The following PIWIL3 variants were observed in gnomAD, a reference collection of about 807,000 sequenced individuals.
PIWIL3 encodes piwi like RNA-mediated gene silencing 3, also known as piwi-like protein 3.
A neutral mutation model predicts 109.7 loss-of-function variants in PIWIL3; 101 were observed. The ratio of observed to expected loss-of-function variants is 0.92; its 90% CI spans 0.78 to 1.09. The LOEUF (loss-of-function observed/expected upper bound fraction) is 1.09. Ranked by LOEUF, PIWIL3 falls within the 50% of genes least tolerant of loss-of-function variation. The pLI, the probability that PIWIL3 is intolerant of heterozygous loss-of-function variation, is 0.00. For missense variants in PIWIL3, 1,031 were observed against 1,072.6 expected, an observed-to-expected ratio of 0.96 and a Z score of 0.54; for synonymous variants, 373 against 376.4, an observed-to-expected ratio of 0.99 and a Z score of 0.10.
intron 2 of PIWIL3, among the ~76,000 whole-genome samples, 171 bp from the exon 3 acceptor site, chr22:24,760,160 G>A (rs1449945094): frequency 6.6e-6 from 1 of 152,098 alleles, no homozygotes; most frequent in African/African-American, 2.4e-5. Context: ...TGTGGTAATT[G>A]CTAAGGAAAA....
intron 1 of PIWIL3, among the ~76,000 whole-genome samples, chr22:24,766,896 G>A (rs1196154262): frequency 6.6e-6 from 1 of 151,796 alleles, no homozygotes; most frequent in Non-Finnish European, 1.5e-5. Flanking sequence ...TTGGGAGGCT[G>A]AGGCAGGAGG....
chr22:24,756,374 G>T, intron 5 of PIWIL3, 117 bp downstream of exon 5: 3 of 966,288 alleles, frequency 3.1e-6, no homozygotes, highest in Non-Finnish European at 4.6e-6. Context: ...AGTCATATGG[G>T]CAAGAGAGCC....
chr22:24,719,948 G>A (rs1922564550), intron 19 of PIWIL3, 53 bp from the exon 20 acceptor site: 2 of 1,419,172 alleles, frequency 1.4e-6, no homozygotes, highest in Non-Finnish European at 1.9e-6. Context: ...AGGGTATATA[G>A]TAAACTTAAT....
chr22:24,758,087 T>C, intron 3 of PIWIL3, 48 bp from the exon 4 acceptor site: 1 of 1,570,720 alleles, frequency 6.4e-7, no homozygotes, highest in Non-Finnish European at 8.6e-7. Context: ...AAGGGAAGAA[T>C]AGAAAAGACA....
intron 5 of PIWIL3, 134 bp downstream of exon 5, chr22:24,756,357 C>T (rs1410145407): frequency 1.7e-5 from 14 of 804,966 alleles, no homozygotes; most frequent in Admixed American, 2.8e-5. Flanking sequence ...ACATAGGTTT[C>T]ACAACAAGTC....
intron 1 of PIWIL3, among the ~76,000 whole-genome samples, chr22:24,769,148 C>G (rs181340274): frequency 4.4e-4 from 67 of 152,320 alleles, no homozygotes; most frequent in Admixed American, 4.4e-3. Context: ...TGTATACATC[C>G]TATGCACATC....
rs1219420520 is a variant in PIWIL3 at position 24,754,061 on chromosome 22, G to A, written c.930C>T (p.Ile310=). ...TTAATTTATTAGTTACTTCCTCTCG[G>A]ATGTTTCCTGTCTGGGCCTGGGCAG... is the stretch of plus-strand genomic sequence containing the variant. ...RTSAQAQTGN[I]REEVTNKLIG... The change falls in exon 8 of 21, where the codon ATC becomes ATT. Residue 310 remains isoleucine, a synonymous_variant. Transcript: ENST00000616349. 6.2e-7 allele frequency: 1 copy of A among 1,612,306 alleles called. No individual in the cohort carries two copies. The highest frequency in any genetic ancestry group is 1.3e-5 in the African/African-American group (1 of 74,870).
chr22:24,721,955 A>G (rs2147643090), intron 19 of PIWIL3, among the ~76,000 whole-genome samples: 1 of 152,370 alleles, frequency 6.6e-6, no homozygotes, highest in South Asian at 2.1e-4. Flanking sequence ...TGACTATACG[A>G]AACTATTTTG....
chr22:24,766,962 T>A (rs1253327567), intron 1 of PIWIL3, among the ~76,000 whole-genome samples: 8 of 143,330 alleles, frequency 5.6e-5, no homozygotes, highest in South Asian at 2.3e-4. Flanking sequence ...ACACCGTCTC[T>A]AAAAAAAAAA....
intron 1 of PIWIL3, among the ~76,000 whole-genome samples, chr22:24,772,086 T>A (rs7285058): frequency 0.44 from 66,450 of 152,096 alleles, 14,779 homozygotes; most frequent in East Asian, 0.59. Context: ...GATAACACAG[T>A]GTATATCATA....
At chr22:24,764,066 CG>C (rs1399977063) in intron 1 of PIWIL3, among the ~76,000 whole-genome samples, 1 of 152,176 alleles carries the variant, frequency 6.6e-6, no homozygotes, top group African/African-American at 2.4e-5. Flanking sequence ...CAAAATGGCC[CG>C]GGGAAATACA....
intron 12 of PIWIL3, among the ~76,000 whole-genome samples, chr22:24,739,925 C>G (rs1485073081): frequency 1.3e-5 from 2 of 151,782 alleles, no homozygotes; most frequent in African/African-American, 4.8e-5. Flanking sequence ...GTGACAGGCA[C>G]CTGTAGTCCC....
intron 1 of PIWIL3, among the ~76,000 whole-genome samples, chr22:24,763,663 G>A (rs1308957521): frequency 2.0e-5 from 3 of 152,106 alleles, no homozygotes; most frequent in Non-Finnish European, 4.4e-5. Context: ...CAAGACACTA[G>A]GGGTTACTAC....
At chr22:24,741,442 T>G (rs1924004369) in intron 12 of PIWIL3, among the ~76,000 whole-genome samples, 1 of 152,148 alleles carries the variant, frequency 6.6e-6, no homozygotes, top group African/African-American at 2.4e-5. Context: ...AGGCAGAGGT[T>G]GTAGTGAACC....
In PIWIL3 at chr22:24,748,899, T is replaced by C. The variant is rs377333935; in HGVS notation, c.1449+8A>G. On this transcript the variant is annotated splice_region_variant and intron_variant, in intron 12 of 20. Coordinates refer to ENST00000616349, the MANE Select transcript of PIWIL3 (RefSeq NM_001255975.1). The stretch of plus-strand genomic sequence containing the variant: ...CACCATGACATGATGATTTTGAAAC[T>C]GTCTTACCATTCTTCTGCCTTGCAC... The C allele has an allele frequency of 8.8e-6, 14 of 1,592,604 alleles. No individual in the cohort carries two copies. The African/African-American group carries it at 9.5e-5, about 11-fold the overall frequency.
chr22:24,740,841 A>T (rs1923962923), intron 12 of PIWIL3, among the ~76,000 whole-genome samples: 1 of 152,208 alleles, frequency 6.6e-6, no homozygotes, highest in Non-Finnish European at 1.5e-5. Context: ...CTCAAAGAAG[A>T]ATTGGTGCCA....
intron 14 of PIWIL3, among the ~76,000 whole-genome samples, chr22:24,731,519 C>T (rs897849435): frequency 1.3e-5 from 2 of 151,924 alleles, no homozygotes; most frequent in Admixed American, 6.6e-5. Flanking sequence ...GGCATGGTGG[C>T]GGACGCCTGT....
chr22:24,735,896 GA>G lies in PIWIL3; in HGVS notation c.1450-5del. 6.3e-7 allele frequency: 1 copy of G among 1,588,488 alleles called. No individual in the cohort carries two copies. The highest frequency in any genetic ancestry group is 1.8e-5 in the Admixed American group (1 of 54,382). On this transcript the variant is annotated splice_region_variant and splice_polypyrimidine_tract_variant and intron_variant, in intron 12 of 20. Transcript: ENST00000616349. ...CTCCTTGTGAATTGGCTTTAACCTG[GA>G]AAAGAATTATAAGACATGGCATAAA... is the stretch of plus-strand genomic sequence containing the variant.
chr22:24,754,299 A>T (rs184644420), intron 7 of PIWIL3, 82 bp from the exon 8 acceptor site: 5 of 1,205,756 alleles, frequency 4.1e-6, no homozygotes, highest in Non-Finnish European at 5.9e-6. Flanking sequence ...TGGGTCTAAA[A>T]ATTGGTACTT....
Sources: allele counts gnomAD v4.1 joint callset (sites outside exome capture counted in the v4.1 genomes callset), GRCh38; gene constraint gnomAD v4.1.1; transcripts MANE v1.5; gene names NCBI Gene and HGNC (gene_info 2026-07-23, HGNC 2026-07-21).